TBC1D5: variants seen among roughly 807,000 people sequenced by gnomAD.
TBC1D5 encodes the protein TBC1 domain family member 5, also known as TBC1 domain family, member 5.
Under a neutral mutation model 100.3 loss-of-function variants are expected in TBC1D5, and 75 were observed. The ratio of observed to expected loss-of-function variants is 0.75; its 90% confidence interval spans 0.62 to 0.91. TBC1D5 has a LOEUF of 0.91. Ranked by LOEUF, TBC1D5 falls within the 40% of genes least tolerant of loss-of-function variation. The pLI, the probability that TBC1D5 is intolerant of heterozygous loss-of-function variation, is 0.00. For missense variants in TBC1D5, 910 were observed against 942.4 expected (o/e 0.97, Z 0.45); for synonymous variants, 323 against 325.6 (o/e 0.99, Z 0.09).
At chr3:17,626,300 A>C (rs1383383315) in intron 1 of TBC1D5, among the ~76,000 whole-genome samples, 1 of 152,208 alleles carries the variant, frequency 6.6e-6, no homozygotes, top group Non-Finnish European at 1.5e-5. Flanking sequence ...TCTCTTCCAG[A>C]ATATAAAGTC....
chr3:17,500,283 T>C (rs998615757), intron 3 of TBC1D5, among the ~76,000 whole-genome samples: 2 of 149,266 alleles, frequency 1.3e-5, no homozygotes, highest in Non-Finnish European at 2.9e-5. Flanking sequence ...ACATCAGAAG[T>C]AAGACCAGAG....
intron 2 of TBC1D5, among the ~76,000 whole-genome samples, chr3:17,560,063 T>C (rs1029334126): frequency 3.3e-5 from 5 of 152,228 alleles, no homozygotes; most frequent in African/African-American, 1.2e-4. Flanking sequence ...AAAAAGATAC[T>C]ATGTGCCTCC....
chr3:17,620,677 G>T (rs1221516126), intron 2 of TBC1D5, among the ~76,000 whole-genome samples: 1 of 152,170 alleles, frequency 6.6e-6, no homozygotes, highest in Non-Finnish European at 1.5e-5. Flanking sequence ...AAAGTATGGG[G>T]TGGAATGGGG....
chr3:17,186,270 G>C (rs1447230293), intron 18 of TBC1D5, among the ~76,000 whole-genome samples: 1 of 152,026 alleles, frequency 6.6e-6, no homozygotes, highest in Non-Finnish European at 1.5e-5. Context: ...AATTTGACTT[G>C]TGCATGGAAA....
intron 18 of TBC1D5, 96 bp from the exon 20 acceptor site, chr3:17,185,304 T>C: frequency 1.1e-6 from 1 of 932,702 alleles, no homozygotes. Context: ...TAAAGAAGCA[T>C]GATACCTTTT....
chr3:17,581,919 G>A (rs1000107331), intron 2 of TBC1D5, among the ~76,000 whole-genome samples: 1 of 152,126 alleles, frequency 6.6e-6, no homozygotes, highest in Non-Finnish European at 1.5e-5. Context: ...AAATATTCCT[G>A]CCTCAGGACC....
chr3:17,601,978 T>C (rs1163570073), intron 2 of TBC1D5, among the ~76,000 whole-genome samples: 3 of 152,014 alleles, frequency 2.0e-5, no homozygotes, highest in Non-Finnish European at 2.9e-5. Flanking sequence ...TATAGGCGCC[T>C]GCCACCACGC....
At chr3:17,616,956 G>T (rs1047243498) in intron 2 of TBC1D5, among the ~76,000 whole-genome samples, 3 of 152,114 alleles carry the variant, frequency 2.0e-5, no homozygotes, top group Admixed American at 6.5e-5. Context: ...TATTTTGCCC[G>T]TTAATTGATG....
intron 1 of TBC1D5, among the ~76,000 whole-genome samples, chr3:17,697,451 T>C (rs1385745519): frequency 2.6e-5 from 4 of 152,298 alleles, no homozygotes; most frequent in African/African-American, 4.8e-5. Flanking sequence ...AGCATTCCTA[T>C]ATACAAATAA....
chr3:17,157,326 T>C (rs988738522), exon 22 of TBC1D5: 1 of 152,232 alleles, frequency 6.6e-6, no homozygotes, highest in Non-Finnish European at 1.5e-5. Context: ...ATCAAATGAA[T>C]TGTGCCACTG....
At chr3:17,603,227 C>T (rs2061109512) in intron 2 of TBC1D5, among the ~76,000 whole-genome samples, 1 of 149,468 alleles carries the variant, frequency 6.7e-6, no homozygotes, top group South Asian at 2.1e-4. Flanking sequence ...ATGATTACAG[C>T]TCACTGCAGC....
chr3:17,573,035 C>A (rs1017958740), intron 2 of TBC1D5, among the ~76,000 whole-genome samples: 1 of 152,066 alleles, frequency 6.6e-6, no homozygotes, highest in African/African-American at 2.4e-5. Context: ...ATTCCATGTA[C>A]ATATCTCTTA....
At chr3:17,301,473 G>A (rs1487925205) in intron 14 of TBC1D5, among the ~76,000 whole-genome samples, 3 of 152,152 alleles carry the variant, frequency 2.0e-5, no homozygotes, top group Non-Finnish European at 4.4e-5. Flanking sequence ...TCTATGGTAC[G>A]TTCTGGCCTG....
In TBC1D5 at chr3:17,358,466, G is replaced by A. The variant is rs184646849; in HGVS notation, c.995+13609C>T. Among the ~76,000 whole-genome samples, 29 of 152,216 alleles carry A rather than the reference G, an allele frequency of 1.9e-4. No homozygotes were observed. The East Asian group carries it at 5.6e-3, about 29-fold the overall frequency. On this transcript the variant is annotated intron_variant, in intron 13 of 21. Coordinates refer to ENST00000253692, the Ensembl canonical transcript of TBC1D5. ...CTCCCAAAGTGCTGGGATTACAGGC[G>A]TGAGCCATTGTGCCTGGCCCACTGT...
chr3:17,417,639 C>T (rs993772346), intron 4 of TBC1D5, among the ~76,000 whole-genome samples: 1 of 152,062 alleles, frequency 6.6e-6, no homozygotes, highest in Non-Finnish European at 1.5e-5. Context: ...GTGAATAGTG[C>T]CGCAATAAAC....
intron 1 of TBC1D5, among the ~76,000 whole-genome samples, chr3:17,703,664 T>C (rs1371241606): frequency 6.6e-6 from 1 of 152,116 alleles, no homozygotes; most frequent in African/African-American, 2.4e-5. Context: ...TGTTTTAAGA[T>C]TAAGATCATA....
chr3:17,367,879 GTTAA>G (rs953187810), intron 13 of TBC1D5, among the ~76,000 whole-genome samples: 1 of 151,678 alleles, frequency 6.6e-6, no homozygotes, highest in African/African-American at 2.4e-5. Context: ...GAAAAAAGAT[GTTAA>G]TTATTTATTC....
At chr3:17,403,144 G>C in intron 8 of TBC1D5, 37 bp downstream of exon 8, 3 of 1,501,446 alleles carry the variant, frequency 2.0e-6, no homozygotes, top group South Asian at 2.5e-5. Context: ...ACAACAATTT[G>C]AATTATTGAA....
At chr3:17,662,804 T>A (rs1026435454) in intron 1 of TBC1D5, among the ~76,000 whole-genome samples, 11 of 152,164 alleles carry the variant, frequency 7.2e-5, no homozygotes, top group Non-Finnish European at 1.2e-4. Context: ...AGTTTTTTTT[T>A]AAATAATATC....
Sources: gnomAD v4.1 joint callset for allele counts (sites outside exome capture counted in the v4.1 genomes callset) on GRCh38, gnomAD v4.1.1 for gene constraint, MANE v1.5 for transcripts, NCBI Gene and HGNC (gene_info 2026-07-23, HGNC 2026-07-21) for gene names.